Variants in CCSER1 observed in about 807,000 individuals in gnomAD.
CCSER1 encodes the protein serine-rich coiled-coil domain-containing protein 1.
CCSER1 carries 41 observed loss-of-function variants against 82.0 expected under a neutral mutation model. The observed-to-expected ratio is 0.50, with a 90% confidence interval of 0.39 to 0.65. The LOEUF (loss-of-function observed/expected upper bound fraction) is 0.65. Ranked by LOEUF, CCSER1 falls within the 30% of genes least tolerant of loss-of-function variation. The pLI, the probability that CCSER1 is intolerant of heterozygous loss-of-function variation, is 0.00. For synonymous variants in CCSER1, 414 were observed against 383.9 expected, an observed-to-expected ratio of 1.08 and a Z score of -0.92; for missense variants, 1,119 against 1,064.2, an observed-to-expected ratio of 1.05 and a Z score of -0.72.
At chr4:90,575,012 A>ATCTC (rs60667225) in intron 5 of CCSER1, among the ~76,000 whole-genome samples, 9,700 of 152,108 alleles carry the variant, frequency 0.064, 814 homozygotes, top group African/African-American at 0.19. Context: ...ATTGTTATCT[A>ATCTC]CTGCCTTTAA....
rs150107460 is a variant in CCSER1 at position 90,572,573 on chromosome 4, GTTATTATTA to G, written c.1725-55438_1725-55430del. Reference sequence around the variant, plus strand: ...TTAAATAACATATCTTTGAGCGCACGTTATTATTATTATTATTATTATCTTGTTGGATCA... The same window carrying G: ...TTAAATAACATATCTTTGAGCGCACGTTATTATTATTATCTTGTTGGATCA... On this transcript the variant is annotated intron_variant, in intron 5 of 10. Transcript: ENST00000509176. 2.0e-5 allele frequency among the ~76,000 whole-genome samples: 3 copies of G among 150,522 alleles called. No individual in the cohort carries two copies. The South Asian group carries it at 6.3e-4, about 31-fold the overall frequency.
intron 1 of CCSER1, among the ~76,000 whole-genome samples, chr4:90,150,120 A>G (rs1726541952): frequency 6.6e-6 from 1 of 152,176 alleles, no homozygotes; most frequent in South Asian, 2.1e-4. Flanking sequence ...CGTGCAATGA[A>G]AAACCCACAT....
At chr4:91,486,299 G>A (rs1036560258) in intron 10 of CCSER1, among the ~76,000 whole-genome samples, 6 of 151,702 alleles carry the variant, frequency 4.0e-5, no homozygotes, top group Admixed American at 6.6e-5. Context: ...TCTTTCTCCT[G>A]AAAAAAAATT....
At chr4:90,158,900 A>G (rs535003026) in intron 1 of CCSER1, among the ~76,000 whole-genome samples, 14 of 152,106 alleles carry the variant, frequency 9.2e-5, no homozygotes, top group East Asian at 5.8e-4. Context: ...TGCGCCCACT[A>G]TCTGGCACTC....
intron 6 of CCSER1, among the ~76,000 whole-genome samples, chr4:90,722,151 G>A (rs1429815907): frequency 6.6e-6 from 1 of 151,646 alleles, no homozygotes; most frequent in Non-Finnish European, 1.5e-5. Flanking sequence ...ACCTTCATTG[G>A]AAAGACTGTG....
chr4:90,570,322 G>A (rs1284539457), intron 5 of CCSER1, among the ~76,000 whole-genome samples: 1 of 152,108 alleles, frequency 6.6e-6, no homozygotes, highest in Non-Finnish European at 1.5e-5. Flanking sequence ...AGAGATTGGA[G>A]GGAGATCCAT....
At chr4:91,355,833 C>T (rs1209166720) in intron 10 of CCSER1, among the ~76,000 whole-genome samples, 1 of 152,070 alleles carries the variant, frequency 6.6e-6, no homozygotes, top group Admixed American at 6.5e-5. Flanking sequence ...GAGGTTGGGC[C>T]TACTAGAATA....
intron 9 of CCSER1, among the ~76,000 whole-genome samples, chr4:91,030,054 ATTG>A (rs1176585091): frequency 1.3e-5 from 2 of 152,166 alleles, no homozygotes; most frequent in African/African-American, 2.4e-5. Flanking sequence ...GGGTATAATA[ATTG>A]TTATTATGGT....
chr4:91,169,635 T>TAAACTTGTATTTAAATACAAGTATTCA (rs1732545692), intron 10 of CCSER1, among the ~76,000 whole-genome samples: 1 of 151,946 alleles, frequency 6.6e-6, no homozygotes, highest in Non-Finnish European at 1.5e-5. Flanking sequence ...AATAAATAAG[T>TAAACTTGTATTTAAATACAAGTATTCA]AAACTTGTAT....
intron 6 of CCSER1, among the ~76,000 whole-genome samples, chr4:90,637,325 A>C (rs754731780): frequency 1.7e-4 from 26 of 151,844 alleles, no homozygotes; most frequent in Non-Finnish European, 3.4e-4. Context: ...CTTCCCCCTG[A>C]CTACACAATC....
intron 1 of CCSER1, among the ~76,000 whole-genome samples, chr4:90,302,428 T>TGAAA (rs1733332463): frequency 6.6e-6 from 1 of 152,140 alleles, no homozygotes; most frequent in Non-Finnish European, 1.5e-5. Context: ...AGGAGGCTTT[T>TGAAA]GCCATGGAGT....
chr4:90,418,211 A>T (rs903139722), intron 4 of CCSER1, among the ~76,000 whole-genome samples: 1 of 152,064 alleles, frequency 6.6e-6, no homozygotes, highest in South Asian at 2.1e-4. Context: ...TAGAATATGC[A>T]ATCTCATGTC....
intron 5 of CCSER1, among the ~76,000 whole-genome samples, chr4:90,514,768 AAG>A (rs921344723): frequency 3.4e-4 from 52 of 152,286 alleles, no homozygotes; most frequent in Admixed American, 7.8e-4. Flanking sequence ...AATAAAAAAA[AAG>A]AAAATATTTT....
At chr4:90,946,101 T>G (rs369186433) in intron 9 of CCSER1, among the ~76,000 whole-genome samples, 1 of 152,168 alleles carries the variant, frequency 6.6e-6, no homozygotes, top group African/African-American at 2.4e-5. Flanking sequence ...CTTTTTGCCT[T>G]TGATTTTTAT....
intron 1 of CCSER1, among the ~76,000 whole-genome samples, chr4:90,296,857 T>C (rs1489363089): frequency 6.6e-6 from 1 of 152,160 alleles, no homozygotes; most frequent in Non-Finnish European, 1.5e-5. Context: ...TCTATATCTG[T>C]GTTTTGGTAC....
intron 4 of CCSER1, among the ~76,000 whole-genome samples, chr4:90,456,270 A>G (rs1339926408): frequency 6.6e-6 from 1 of 152,220 alleles, no homozygotes; most frequent in African/African-American, 2.4e-5. Context: ...TGCTTCTAAG[A>G]ATAGATAGAC....
At chr4:91,524,873 T>C (rs2110151979) in intron 10 of CCSER1, among the ~76,000 whole-genome samples, 1 of 152,264 alleles carries the variant, frequency 6.6e-6, no homozygotes, top group South Asian at 2.1e-4. Context: ...TCTTATCACA[T>C]AGGACATAGT....
At chr4:90,764,732 T>G (rs1750941570) in intron 7 of CCSER1, among the ~76,000 whole-genome samples, 1 of 152,134 alleles carries the variant, frequency 6.6e-6, no homozygotes. Flanking sequence ...TGTATTTAAT[T>G]TATTCTAAGT....
chr4:90,638,146 A>G (rs1284469217), intron 6 of CCSER1, among the ~76,000 whole-genome samples: 1 of 152,148 alleles, frequency 6.6e-6, no homozygotes, highest in Non-Finnish European at 1.5e-5. Context: ...ACCTTAAACA[A>G]AAGGCATCTT....
Sources: allele counts gnomAD v4.1 joint callset (sites outside exome capture counted in the v4.1 genomes callset), GRCh38; gene constraint gnomAD v4.1.1; transcripts MANE v1.5; gene names NCBI Gene and HGNC (gene_info 2026-07-23, HGNC 2026-07-21).